Variants in CAPN14 observed in about 807,000 individuals in gnomAD.
CAPN14 encodes calpain 14.
CAPN14 carries 94 observed loss-of-function variants against 101.3 expected under a neutral mutation model. The observed-to-expected ratio is 0.93, with a 90% CI of 0.79 to 1.10. CAPN14 has a LOEUF of 1.10. CAPN14 is among the 50% of genes least tolerant of loss of function. The pLI is 0.00. For synonymous variants in CAPN14, 338 were observed against 317.9 expected (o/e 1.06, Z -0.67); for missense variants, 837 against 828.4 (o/e 1.01, Z -0.13).
At chr2:31,209,387 T>C (rs145914813) in intron 1 of CAPN14, among the ~76,000 whole-genome samples, 2,936 of 152,174 alleles carry the variant, frequency 0.019, 46 homozygotes, top group Non-Finnish European at 0.026. Flanking sequence ...GGAAGGGCGT[T>C]ATGATGGTGA....
Position 31,200,486 on chromosome 2 carries a change from T to C in CAPN14, c.691A>G (p.Asn231Asp). 6.4e-7 allele frequency: 1 copy of C among 1,550,894 alleles called. No individual in the cohort carries two copies. Among genetic ancestry groups the C allele is most frequent in the Non-Finnish European group, 8.7e-7 (1 of 1,146,966 alleles). Residue 231 changes from asparagine (N) to aspartate (D), a missense_variant, in exon 6 of 22, where the codon AAC (asparagine) becomes GAC (aspartate). Asn to Asp is a conservative substitution (Grantham distance 23, BLOSUM62 1). Coordinates refer to ENST00000403897, the MANE Select transcript of CAPN14 (RefSeq NM_001145122.2). ...GTCTGGCAGCCAATGAGGGTTCTGT[T>C]GTAGGTGGCTTCGATGAGGATGTCC... ...LWDILIEATY[N>D]RTLIGCQTHS... is the part of the protein sequence containing the mutation.
chr2:31,201,978 C>G lies in CAPN14; in HGVS notation c.435G>C (p.Trp145Cys), dbSNP rs1397643603. The G allele has an allele frequency of 1.4e-5, 22 of 1,551,720 alleles. No homozygotes were observed. Among genetic ancestry groups the G allele is most frequent in the Non-Finnish European group, 1.9e-5 (22 of 1,147,002 alleles). Residue 145 changes from tryptophan to cysteine, a missense_variant, in exon 5 of 22, where the codon TGG becomes TGC. Trp to Cys is a radical substitution (Grantham distance 215). Coordinates refer to ENST00000403897, the MANE Select transcript of CAPN14 (RefSeq NM_001145122.2). ...GACGGTCATCGATCACCACAGGAAC[C>G]CAGTTCCCATAGTGCCAGAACTGGA... ...FRFWFWHYGN[W>C]VPVVIDDRLP... is the part of the protein sequence containing the mutation.
intron 1 of CAPN14, among the ~76,000 whole-genome samples, chr2:31,206,450 G>A (rs981441164): frequency 2.0e-5 from 3 of 152,094 alleles, no homozygotes; most frequent in East Asian, 1.9e-4. Flanking sequence ...ATGGGGTTTC[G>A]CCATGTTGGC....
chr2:31,177,043 C>T lies in CAPN14; in HGVS notation c.1955G>A (p.Arg652His), dbSNP rs375553136. The change falls in exon 20 of 22, where the codon CGT becomes CAT. Residue 652 changes from arginine to histidine, a missense_variant. Physicochemically the swap from Arg to His is conservative, Grantham distance 29. Coordinates refer to ENST00000403897, the MANE Select transcript of CAPN14 (RefSeq NM_001145122.2). ...DFVSFIHLML[R>H]VENMEDVFQN... ...CAGCTTACCCTCCATGTTCTCTACA[C>T]GCAGCATCAAGTGGATGAAACTGAC... 3.0e-5 allele frequency: 46 copies of T among 1,551,154 alleles called. No individual in the cohort carries two copies. Among genetic ancestry groups the T allele is most frequent in the Middle Eastern group, 1.7e-4 (1 of 6,010 alleles).
Position 31,200,499 on chromosome 2 carries a change from G to A in CAPN14, c.678C>T (p.Ile226=), listed in dbSNP as rs111554796. The change falls in exon 6 of 22, where the codon ATC becomes ATT. Residue 226 remains isoleucine, a synonymous_variant. Transcript: ENST00000403897. ...TGAGGGTTCTGTTGTAGGTGGCTTC[G>A]ATGAGGATGTCCCAGAGGTTGCCAT... The part of the protein sequence containing the change: ...EAHGNLWDIL[I]EATYNRTLIG... 1.5e-5 allele frequency: 24 copies of A among 1,551,102 alleles called. No individual in the cohort carries two copies. In the Middle Eastern group the frequency reaches 5.3e-4, roughly 34 times the overall value.
rs980857251 is a variant in CAPN14 at position 31,174,143 on chromosome 2, C to T, written c.*538G>A. On this transcript the variant is annotated 3_prime_UTR_variant, in exon 22 of 22. Transcript: ENST00000403897. ...TGGACTCTGCCAATTCTCTTACTGT[C>T]TGTGTTTCTGAAAGCCCACTATATC... The T allele has an allele frequency of 1.3e-5, 2 of 156,390 alleles. No individual in the cohort carries two copies. The highest frequency in any genetic ancestry group is 4.8e-5 in the African/African-American group (2 of 41,476). The allele number at this position is 156,390 out of a possible 1,614,324, so 9.7% of individuals were successfully genotyped here.
chr2:31,192,150 T>C, intron 10 of CAPN14, 52 bp from the exon 11 acceptor site: 1 of 1,485,842 alleles, frequency 6.7e-7, no homozygotes, highest in Admixed American at 2.3e-5. Flanking sequence ...CCATGCATCC[T>C]GCTTGCCGAA....
At chr2:31,188,672 CAAACA>C (rs1681031172) in intron 13 of CAPN14, among the ~76,000 whole-genome samples, 1 of 152,132 alleles carries the variant, frequency 6.6e-6, no homozygotes, top group Non-Finnish European at 1.5e-5. Flanking sequence ...AAAAAACAAA[CAAACA>C]AAACAAAACA....
intron 1 of CAPN14, among the ~76,000 whole-genome samples, chr2:31,231,068 G>A (rs892645077): frequency 5.3e-5 from 8 of 152,224 alleles, no homozygotes; most frequent in East Asian, 1.9e-4. Context: ...CTTAGTTGTT[G>A]CCATTGCTAT....
chr2:31,205,185 T>G, intron 2 of CAPN14, 38 bp downstream of exon 2: 1 of 1,528,298 alleles, frequency 6.5e-7, no homozygotes, highest in Middle Eastern at 2.3e-4. Context: ...CCCTAAACCC[T>G]GGGGAAGGAG....
In CAPN14 at chr2:31,212,686, C is replaced by A. The variant is rs115125956; in HGVS notation, c.-53+4770G>T. Among the ~76,000 whole-genome samples, 1,452 of 152,348 alleles carry A rather than the reference C, an allele frequency of 9.5e-3. 24 individuals are homozygous for A. Among genetic ancestry groups the A allele is most frequent in the African/African-American group, 0.033 (1,361 of 41,570 alleles). ...GGGGTCCATTCAGTGTCTTGAGTCCCTGCCCTGATGTTCAGTTCATTCACA... is the reference window on the plus strand; with the variant it reads ...GGGGTCCATTCAGTGTCTTGAGTCCATGCCCTGATGTTCAGTTCATTCACA... On this transcript the variant is annotated intron_variant, in intron 1 of 21. Coordinates refer to ENST00000403897, the MANE Select transcript of CAPN14 (RefSeq NM_001145122.2).
intron 1 of CAPN14, among the ~76,000 whole-genome samples, chr2:31,232,822 T>C (rs990684787): frequency 6.6e-6 from 1 of 152,308 alleles, no homozygotes; most frequent in South Asian, 2.1e-4. Flanking sequence ...CCAACCTCTT[T>C]TGCCCCTCCA....
intron 11 of CAPN14, 150 bp from the exon 12 acceptor site, chr2:31,191,557 C>T: frequency 1.4e-6 from 1 of 706,308 alleles, no homozygotes; most frequent in South Asian, 2.0e-5. Flanking sequence ...TCCCACAAGA[C>T]CTGCTGTTCT....
chr2:31,189,566 C>T (rs1411391821), intron 12 of CAPN14, 88 bp from the exon 13 acceptor site: 9 of 1,081,766 alleles, frequency 8.3e-6, no homozygotes, highest in Non-Finnish European at 1.1e-5. Context: ...TGAGCCAGGA[C>T]TAAGGTGGCC....
At chr2:31,218,988 A>G (rs1416059063), upstream of CAPN14, among the ~76,000 whole-genome samples, 1 of 152,010 alleles carries the variant, frequency 6.6e-6, no homozygotes, top group Non-Finnish European at 1.5e-5. Context: ...TCTCCCAGAC[A>G]TAACCTTTTC....
intron 1 of CAPN14, among the ~76,000 whole-genome samples, chr2:31,231,833 G>A (rs192498858): frequency 5.2e-4 from 79 of 152,318 alleles, no homozygotes; most frequent in Middle Eastern, 3.4e-3. Context: ...GCACGGGGCC[G>A]CAAGCCTTGC....
At chr2:31,210,546 A>G (rs1194300433) in intron 1 of CAPN14, among the ~76,000 whole-genome samples, 1 of 152,194 alleles carries the variant, frequency 6.6e-6, no homozygotes, top group African/African-American at 2.4e-5. Context: ...TCAAGTCAGG[A>G]GAATTAGTTT....
chr2:31,181,547 G>T (rs2148673842), intron 16 of CAPN14, among the ~76,000 whole-genome samples: 3 of 109,808 alleles, frequency 2.7e-5, no homozygotes, highest in Admixed American at 1.0e-4. Context: ...TATACCTTAA[G>T]TTTTAGGGTA....
exon 1 of CAPN14, chr2:31,233,828 G>T (rs1471008740): frequency 6.6e-6 from 1 of 152,064 alleles, no homozygotes; most frequent in African/African-American, 2.4e-5. Flanking sequence ...AACTGAAGGA[G>T]AGGCGATTCA....
Sources: allele counts gnomAD v4.1 joint callset (sites outside exome capture counted in the v4.1 genomes callset), GRCh38; gene constraint gnomAD v4.1.1; transcripts MANE v1.5; gene names NCBI Gene and HGNC (gene_info 2026-07-23, HGNC 2026-07-21).